The following TMEFF2 variants were observed in gnomAD, a reference collection of about 807,000 sequenced individuals.
TMEFF2 encodes transmembrane protein with EGF like and two follistatin like domains 2.
Under a neutral mutation model 53.8 loss-of-function variants are expected in TMEFF2, and 28 were observed. The ratio of observed to expected loss-of-function variants is 0.52; its 90% CI spans 0.39 to 0.71. TMEFF2 has a LOEUF of 0.71. TMEFF2 is among the 30% of genes least tolerant of loss of function. The pLI is 0.00. For synonymous variants in TMEFF2, 162 were observed against 166.3 expected (o/e 0.97, Z 0.20); for missense variants, 353 against 455.2 (o/e 0.78, Z 2.04).
chr2:192,176,521 A>G (rs1691048915), intron 4 of TMEFF2, among the ~76,000 whole-genome samples: 1 of 151,294 alleles, frequency 6.6e-6, no homozygotes, highest in African/African-American at 2.4e-5. Flanking sequence ...TTAGGAGAGA[A>G]TGCATCTTTG....
At chr2:191,992,373 A>G (rs1338987887) in intron 7 of TMEFF2, among the ~76,000 whole-genome samples, 1 of 152,106 alleles carries the variant, frequency 6.6e-6, no homozygotes, top group Non-Finnish European at 1.5e-5. Flanking sequence ...TTTTATAAAT[A>G]TGATATGAAA....
Position 191,964,316 on chromosome 2 carries a change from C to CCTCT in TMEFF2, c.746-7939_746-7938insAGAG. ...CTTTCCTTCTTTCCTTCTTTCTTTC[C>CCTCT]TTCCTTCCTTTCTTTCCTTCTTTCT... On this transcript the variant is annotated intron_variant, in intron 7 of 9. Coordinates refer to ENST00000272771, the MANE Select transcript of TMEFF2 (RefSeq NM_016192.4). 1.6e-5 allele frequency among the ~76,000 whole-genome samples: 2 copies of CCTCT among 125,940 alleles called. 1 individual carries two copies. 82.6% of individuals were successfully genotyped at this position (125,940 alleles called of 152,430 possible). A position where few individuals can be genotyped will look rare whatever the true frequency, so the allele number is the denominator to read the frequency against.
intron 5 of TMEFF2, among the ~76,000 whole-genome samples, chr2:192,056,480 G>A (rs1242749111): frequency 2.0e-5 from 3 of 152,098 alleles, no homozygotes; most frequent in African/African-American, 7.2e-5. Context: ...TCATTATCAT[G>A]ACACAAAGAA....
intron 4 of TMEFF2, among the ~76,000 whole-genome samples, chr2:192,075,035 C>T (rs907950098): frequency 6.6e-6 from 1 of 151,386 alleles, no homozygotes; most frequent in Non-Finnish European, 1.5e-5. Flanking sequence ...ATCCCAAGAG[C>T]TCAAACAAAG....
intron 5 of TMEFF2, among the ~76,000 whole-genome samples, chr2:192,025,532 T>C (rs1686951952): frequency 6.6e-6 from 1 of 152,200 alleles, no homozygotes; most frequent in Non-Finnish European, 1.5e-5. Flanking sequence ...GAAATTGTTT[T>C]CTGTGTAGCA....
At position 192,126,524 on chromosome 2, in the gene TMEFF2, T is replaced by C. The variant is rs192654892; in HGVS notation, c.439+53144A>G. Among the ~76,000 whole-genome samples, 453 of 152,272 alleles carry C rather than the reference T, an allele frequency of 3.0e-3. 2 individuals are homozygous for C. Among genetic ancestry groups the C allele is most frequent in the African/African-American group, 0.01 (435 of 41,564 alleles). Reference sequence around the variant, plus strand: ...AAAACATGACAATTAAAACTGTCAGTCCCAAACTAAAGATACTGACTGTAT... The same window carrying C: ...AAAACATGACAATTAAAACTGTCAGCCCCAAACTAAAGATACTGACTGTAT... On this transcript the variant is annotated intron_variant, in intron 4 of 9. Transcript: ENST00000272771.
intron 4 of TMEFF2, among the ~76,000 whole-genome samples, chr2:192,073,906 T>A (rs551147375): frequency 1.3e-5 from 2 of 152,116 alleles, no homozygotes; most frequent in Non-Finnish European, 2.9e-5. Context: ...TACAGCTATC[T>A]AGATAGAAAC....
intron 4 of TMEFF2, among the ~76,000 whole-genome samples, chr2:192,057,986 G>A (rs567366384): frequency 3.3e-5 from 5 of 152,150 alleles, no homozygotes; most frequent in South Asian, 2.1e-4. Flanking sequence ...TGGTGAACAC[G>A]TTTGCATTTT....
intron 7 of TMEFF2, among the ~76,000 whole-genome samples, chr2:191,990,860 C>T (rs1183360346): frequency 1.3e-5 from 2 of 151,544 alleles, no homozygotes. Flanking sequence ...AAATACATTT[C>T]CATATACTAC....
intron 4 of TMEFF2, among the ~76,000 whole-genome samples, chr2:192,097,308 A>G (rs1688936178): frequency 6.6e-6 from 1 of 152,248 alleles, no homozygotes; most frequent in Admixed American, 6.5e-5. Context: ...TTGTAATTCC[A>G]GTTGATTGTT....
intron 1 of TMEFF2, among the ~76,000 whole-genome samples, chr2:192,193,757 T>TAGAGAGAGAGAGAGAGAG (rs1491267223): frequency 3.8e-5 from 1 of 26,632 alleles, no homozygotes; most frequent in African/African-American, 1.1e-4. Context: ...GAGAGATAGA[T>TAGAGAGAGAGAGAGAGAG]AGATAGAGAG....
intron 4 of TMEFF2, among the ~76,000 whole-genome samples, chr2:192,137,576 G>A (rs1690039880): frequency 1.3e-5 from 2 of 151,878 alleles, no homozygotes; most frequent in African/African-American, 4.8e-5. Flanking sequence ...GAGGAGTTTG[G>A]GAGCAAGGAG....
At chr2:191,972,415 G>A (rs1358297987) in intron 7 of TMEFF2, among the ~76,000 whole-genome samples, 5 of 145,940 alleles carry the variant, frequency 3.4e-5, no homozygotes, top group African/African-American at 1.0e-4. Context: ...TGCCCACCTC[G>A]GCCTCCCAAA....
chr2:191,969,137 ATC>A (rs1692554458), intron 7 of TMEFF2, among the ~76,000 whole-genome samples: 1 of 65,452 alleles, frequency 1.5e-5, no homozygotes, highest in African/African-American at 5.2e-5. Flanking sequence ...GTGTGTGTGT[ATC>A]TATGTGTGTG....
At chr2:192,061,430 C>T (rs1279294953) in intron 4 of TMEFF2, among the ~76,000 whole-genome samples, 1 of 152,014 alleles carries the variant, frequency 6.6e-6, no homozygotes, top group Non-Finnish European at 1.5e-5. Flanking sequence ...CATTTTTACA[C>T]AGCATTTATG....
rs539710666 is a variant in TMEFF2 at position 192,137,514 on chromosome 2, C to T, written c.439+42154G>A. Among the ~76,000 whole-genome samples, 16 of 152,040 alleles carry T rather than the reference C, an allele frequency of 1.1e-4. No homozygotes were observed. The South Asian group carries it at 3.3e-3, about 32-fold the overall frequency. The stretch of plus-strand genomic sequence containing the variant: ...AGCAGAGTTTCCAGCAAGGAAATGC[C>T]ATCATTAGGGCTGTATTTTAGGTCG... On this transcript the variant is annotated intron_variant, in intron 4 of 9. Transcript: ENST00000272771.
chr2:192,186,753 G>T (rs763640085), intron 2 of TMEFF2, among the ~76,000 whole-genome samples: 2 of 152,020 alleles, frequency 1.3e-5, no homozygotes, highest in African/African-American at 4.8e-5. Context: ...ATTTGGGTCC[G>T]TGTTTTCTTC....
chr2:192,029,790 G>A (rs1461286406), intron 5 of TMEFF2, among the ~76,000 whole-genome samples: 2 of 152,190 alleles, frequency 1.3e-5, no homozygotes, highest in African/African-American at 2.4e-5. Context: ...CCCATTGCAT[G>A]TTGAGATAGA....
At chr2:192,035,673 C>G (rs1443896914) in intron 5 of TMEFF2, among the ~76,000 whole-genome samples, 1 of 152,164 alleles carries the variant, frequency 6.6e-6, no homozygotes, top group African/African-American at 2.4e-5. Context: ...ATTCTCATTC[C>G]TCAGTCCCAA....
Sources: gnomAD v4.1 joint callset for allele counts (sites outside exome capture counted in the v4.1 genomes callset) on GRCh38, gnomAD v4.1.1 for gene constraint, MANE v1.5 for transcripts, NCBI Gene and HGNC (gene_info 2026-07-23, HGNC 2026-07-21) for gene names.